QTMAN: variants seen among roughly 807,000 people sequenced by gnomAD.
QTMAN encodes the protein queuosine-tRNA mannosyltransferase, also known as tRNA-queuosine alpha-mannosyltransferase.
the QTMAN span, among the ~76,000 whole-genome samples, chr2:144,326,536 G>A: frequency 2.8e-5 from 4 of 145,090 alleles, no homozygotes; most frequent in East Asian, 8.1e-4. Context: ...GCAGTGAGCC[G>A]AGATTGCGCC....
At chr2:144,136,603 C>A in the QTMAN span, among the ~76,000 whole-genome samples, 1 of 151,960 alleles carries the variant, frequency 6.6e-6, no homozygotes, top group East Asian at 1.9e-4. Flanking sequence ...CTAGGCCTTG[C>A]CTTTATGACA....
At chr2:144,120,220 C>T in the QTMAN span, among the ~76,000 whole-genome samples, 1 of 152,156 alleles carries the variant, frequency 6.6e-6, no homozygotes, top group African/African-American at 2.4e-5. Context: ...CCTTCTTATG[C>T]ACGTCACCTT....
chr2:144,108,233 T>C, the QTMAN span, among the ~76,000 whole-genome samples: 1 of 152,170 alleles, frequency 6.6e-6, no homozygotes, highest in South Asian at 2.1e-4. Flanking sequence ...CTATTCAACA[T>C]AGTGTTGGAA....
At chr2:144,240,670 G>C in the QTMAN span, among the ~76,000 whole-genome samples, 2 of 152,152 alleles carry the variant, frequency 1.3e-5, no homozygotes. Context: ...ATCCACCCTA[G>C]AGATTGATGA....
the QTMAN span, among the ~76,000 whole-genome samples, chr2:144,272,911 C>T: frequency 1.6e-4 from 24 of 152,044 alleles, no homozygotes; most frequent in African/African-American, 4.8e-4. Context: ...AACAGAAAGC[C>T]GCATATTTTT....
At chr2:144,184,131 T>G in the QTMAN span, among the ~76,000 whole-genome samples, 1 of 151,790 alleles carries the variant, frequency 6.6e-6, no homozygotes, top group Non-Finnish European at 1.5e-5. Flanking sequence ...AAAATAGGAG[T>G]TTTTTATTAT....
chr2:144,107,511 T>C, the QTMAN span, among the ~76,000 whole-genome samples: 2 of 152,048 alleles, frequency 1.3e-5, no homozygotes, highest in African/African-American at 4.8e-5. Context: ...CTAGAAGAAA[T>C]GGATAAATTC....
chr2:144,008,290 G>A, the QTMAN span, among the ~76,000 whole-genome samples: 4 of 151,876 alleles, frequency 2.6e-5, no homozygotes, highest in African/African-American at 7.3e-5. Context: ...ACTAACCTAC[G>A]CTGGAACATA....
chr2:144,167,430 C>T, the QTMAN span, among the ~76,000 whole-genome samples: 2,129 of 152,150 alleles, frequency 0.014, 49 homozygotes, highest in African/African-American at 0.049. Flanking sequence ...CTAATTGATA[C>T]GGTTTGGCTC....
chr2:144,234,251 T>C, the QTMAN span, among the ~76,000 whole-genome samples: 3 of 152,158 alleles, frequency 2.0e-5, no homozygotes, highest in East Asian at 3.8e-4. Flanking sequence ...TCTTCAATCC[T>C]ATTCAATTCT....
the QTMAN span, among the ~76,000 whole-genome samples, chr2:144,233,174 T>C: frequency 6.6e-6 from 1 of 152,086 alleles, no homozygotes; most frequent in Non-Finnish European, 1.5e-5. Context: ...TAAAGGCAAA[T>C]ATCACTCAAA....
At chr2:144,048,294 T>C in the QTMAN span, among the ~76,000 whole-genome samples, 4 of 152,160 alleles carry the variant, frequency 2.6e-5, no homozygotes, top group Admixed American at 2.0e-4. Flanking sequence ...GAAAGAACAA[T>C]GTAGGATGGA....
chr2:144,203,977 C>T, the QTMAN span, among the ~76,000 whole-genome samples: 1 of 151,686 alleles, frequency 6.6e-6, no homozygotes, highest in African/African-American at 2.4e-5. Flanking sequence ...CTTCCTTACA[C>T]CTTATACAAA....
chr2:143,985,272 C>T, the QTMAN span, among the ~76,000 whole-genome samples: 1 of 152,218 alleles, frequency 6.6e-6, no homozygotes, highest in Non-Finnish European at 1.5e-5. Flanking sequence ...AGCACAGCGG[C>T]TGAGTAAATG....
the QTMAN span, among the ~76,000 whole-genome samples, chr2:143,975,610 A>G: frequency 3.3e-5 from 5 of 152,246 alleles, no homozygotes; most frequent in South Asian, 1.0e-3. Context: ...TTCCAGTAGT[A>G]TAAGGACATT....
At chr2:144,089,962 T>A in the QTMAN span, among the ~76,000 whole-genome samples, 1 of 152,060 alleles carries the variant, frequency 6.6e-6, no homozygotes, top group East Asian at 1.9e-4. Flanking sequence ...GTAACAAAAT[T>A]TCACATATAC....
the QTMAN span, among the ~76,000 whole-genome samples, chr2:144,132,517 A>G: frequency 6.6e-6 from 1 of 152,108 alleles, no homozygotes; most frequent in Admixed American, 6.6e-5. Context: ...TGTGGAATGT[A>G]TGAATATCAT....
the QTMAN span, among the ~76,000 whole-genome samples, chr2:144,171,286 T>G: frequency 6.6e-6 from 1 of 152,196 alleles, no homozygotes; most frequent in African/African-American, 2.4e-5. Context: ...ACAGCTTCAA[T>G]GAAGACAGAC....
chr2:143,988,785 C>T, the QTMAN span, among the ~76,000 whole-genome samples: 4 of 152,188 alleles, frequency 2.6e-5, no homozygotes, highest in Non-Finnish European at 5.9e-5. Context: ...GGGAGGCCAA[C>T]CTCCTTACCC....
Sources: allele counts gnomAD v4.1 joint callset (sites outside exome capture counted in the v4.1 genomes callset), GRCh38; gene constraint gnomAD v4.1.1; transcripts MANE v1.5; gene names NCBI Gene and HGNC (gene_info 2026-07-23, HGNC 2026-07-21).